PIK3R5: variants seen among roughly 807,000 people sequenced by gnomAD.
PIK3R5 encodes the protein phosphoinositide 3-kinase regulatory subunit 5.
PIK3R5 carries 32 observed loss-of-function variants against 94.9 expected under a neutral mutation model. The ratio of observed to expected loss-of-function variants is 0.34; its 90% CI spans 0.25 to 0.45. The LOEUF (loss-of-function observed/expected upper bound fraction) is 0.45, where lower values mean the gene tolerates loss of function less well. Among genes scored for constraint, PIK3R5 ranks in the 20% least tolerant of loss-of-function variants. PIK3R5 has a pLI of 1.00. For missense variants in PIK3R5, 853 were observed against 1,144.6 expected (o/e 0.75, Z 3.68); for synonymous variants, 443 against 479.4 (o/e 0.92, Z 0.99).
chr17:8,914,304 C>T (rs181536), intron 1 of PIK3R5, among the ~76,000 whole-genome samples: 5,629 of 152,302 alleles, frequency 0.037, 127 homozygotes, highest in Middle Eastern at 0.065. Context: ...AGAGAGTTGA[C>T]ACTGGTATAA....
At chr17:8,962,397 T>A (rs945919242) in intron 1 of PIK3R5, among the ~76,000 whole-genome samples, 2 of 152,220 alleles carry the variant, frequency 1.3e-5, no homozygotes, top group African/African-American at 4.8e-5. Context: ...TTCAATCATA[T>A]CCAACATGCT....
chr17:8,948,770 A>G (rs978509410), intron 1 of PIK3R5, among the ~76,000 whole-genome samples: 4 of 152,204 alleles, frequency 2.6e-5, no homozygotes, highest in Admixed American at 6.5e-5. Context: ...CAGACCCTAA[A>G]GCTCAACTTC....
chr17:8,929,973 G>A (rs2090958597), intron 1 of PIK3R5, among the ~76,000 whole-genome samples: 1 of 152,128 alleles, frequency 6.6e-6, no homozygotes, highest in Admixed American at 6.6e-5. Context: ...TTTAAAAACA[G>A]TAAAAAACAA....
At position 8,920,844 on chromosome 17, in the gene PIK3R5, CT is replaced by C. The variant is rs66921095; in HGVS notation, c.-13-9338del. 4.2e-3 allele frequency among the ~76,000 whole-genome samples: 568 copies of C among 133,682 alleles called. 2 individuals are homozygous for C. Among genetic ancestry groups the C allele is most frequent in the African/African-American group, 0.01 (379 of 36,190 alleles). The allele number at this position is 133,682 out of a possible 152,430, so 87.7% of individuals were successfully genotyped here. A position where few individuals can be genotyped will look rare whatever the true frequency, so the allele number is the denominator to read the frequency against. ...GTATTTTTTTTTCTTTTTTCTTTTT[CT>C]TTTTTTTTTTTTTGAGATGGAGTTT... On this transcript the variant is annotated intron_variant, in intron 1 of 18. Transcript: ENST00000447110.
At chr17:8,964,716 G>C (rs2091633689) in intron 1 of PIK3R5, among the ~76,000 whole-genome samples, 1 of 152,170 alleles carries the variant, frequency 6.6e-6, no homozygotes, top group Non-Finnish European at 1.5e-5. Flanking sequence ...GTGGTCCTGA[G>C]GGCAGGAAGG....
chr17:8,886,047 C>G (rs1188134647), intron 14 of PIK3R5, among the ~76,000 whole-genome samples, 182 bp downstream of exon 14: 1 of 151,286 alleles, frequency 6.6e-6, no homozygotes, highest in Non-Finnish European at 1.5e-5. Flanking sequence ...GCCCCGCCTA[C>G]CGGGTCACCC....
chr17:8,886,062 A>C (rs1337822710), intron 14 of PIK3R5, among the ~76,000 whole-genome samples, 167 bp downstream of exon 14: 34 of 71,620 alleles, frequency 4.7e-4, no homozygotes, highest in Admixed American at 1.0e-3. Flanking sequence ...TCACCCAGCC[A>C]CCCCATGGCC....
intron 18 of PIK3R5, 51 bp from the exon 19 acceptor site, chr17:8,880,837 G>A (rs777414193): frequency 2.6e-5 from 42 of 1,613,134 alleles, no homozygotes; most frequent in Non-Finnish European, 3.4e-5. Flanking sequence ...CATCCTTCCA[G>A]CTCCTTCCAG....
chr17:8,928,567 C>A (rs753542153), intron 1 of PIK3R5, among the ~76,000 whole-genome samples: 5 of 152,068 alleles, frequency 3.3e-5, no homozygotes, highest in Non-Finnish European at 7.4e-5. Flanking sequence ...TACTTTTCAT[C>A]AAAAATTATG....
At position 8,892,717 on chromosome 17, in the gene PIK3R5, C is replaced by T. The variant is rs1327515373; in HGVS notation, c.482+869G>A. Among the ~76,000 whole-genome samples the T allele has an allele frequency of 6.6e-6, 1 of 152,144 alleles. No homozygotes were observed. Among genetic ancestry groups the T allele is most frequent in the African/African-American group, 2.4e-5 (1 of 41,400 alleles). The stretch of plus-strand genomic sequence containing the variant: ...TCATTTTGTTTGTGTTTGTTTTCAC[C>T]TAGAGGGAAGTCAAGAAGTGTTGCT... On this transcript the variant is annotated intron_variant, in intron 6 of 18. Transcript: ENST00000447110. This position sits in a 1 kb window ranked among gnomAD's most constrained non-coding sequence, Gnocchi z 4.3.
chr17:8,919,638 C>T (rs185303198), intron 1 of PIK3R5, among the ~76,000 whole-genome samples: 62 of 152,324 alleles, frequency 4.1e-4, no homozygotes, highest in African/African-American at 1.4e-3. Flanking sequence ...ACCAGATCTC[C>T]GTGCCCAGTT....
rs1022721247 is a variant in PIK3R5 at position 8,955,473 on chromosome 17, G to A, written c.-14+10123C>T. ...GGAGAAAGGAGTGGGACTCAACTTC[G>A]AAACCTGAACAGAAGACTAAGGACT... is the stretch of plus-strand genomic sequence containing the variant. On this transcript the variant is annotated intron_variant, in intron 1 of 18. Transcript: ENST00000447110. The surrounding 1 kb of genome is among the most constrained non-coding windows in gnomAD (Gnocchi z 4.4). Among the ~76,000 whole-genome samples the A allele has an allele frequency of 3.3e-5, 5 of 152,196 alleles. No individual in the cohort carries two copies. The highest frequency in any genetic ancestry group is 9.7e-5 in the African/African-American group (4 of 41,442).
intron 1 of PIK3R5, among the ~76,000 whole-genome samples, chr17:8,952,061 C>T (rs1288194230): frequency 6.6e-6 from 1 of 152,152 alleles, no homozygotes; most frequent in Non-Finnish European, 1.5e-5. Flanking sequence ...CTAGAGCAGC[C>T]ATTATGGACC....
chr17:8,886,202 G>T, intron 14 of PIK3R5, 27 bp downstream of exon 14: 1 of 1,568,930 alleles, frequency 6.4e-7, no homozygotes, highest in Non-Finnish European at 8.8e-7. Context: ...CCGCCTCACC[G>T]TCTGTCTCTG....
rs138148963 is a variant in PIK3R5, at chr17:8,929,321, T to G, written c.-13-17814A>C. 2.5e-3 allele frequency among the ~76,000 whole-genome samples: 380 copies of G among 152,244 alleles called. 2 individuals are homozygous for G. The highest frequency in any genetic ancestry group is 8.7e-3 in the African/African-American group (362 of 41,560). ...TGCTGTCTACAAGAAACTCACTTTA[T>G]ATATAAATATATAGACAAATTAAAA... On this transcript the variant is annotated intron_variant, in intron 1 of 18. Transcript: ENST00000447110.
At chr17:8,954,060 AAAAAAAAG>A (rs199628485) in intron 1 of PIK3R5, among the ~76,000 whole-genome samples, 1,844 of 151,826 alleles carry the variant, frequency 0.012, 44 homozygotes, top group African/African-American at 0.042. Flanking sequence ...TTCCTCTGCA[AAAAAAAAG>A]AAAAAAAGAA....
Position 8,882,040 on chromosome 17 carries a change from C to T in PIK3R5, c.2206-159G>A. 3.2e-6 allele frequency: 2 copies of T among 629,490 alleles called. No individual in the cohort carries two copies. The highest frequency in any genetic ancestry group is 1.8e-5 in the South Asian group (1 of 54,950). The allele number at this position is 629,490 out of a possible 1,614,324, so 39.0% of individuals were successfully genotyped here. A position where few individuals can be genotyped will look rare whatever the true frequency, so the allele number is the denominator to read the frequency against. On this transcript the variant is annotated intron_variant, in intron 15 of 18. Transcript: ENST00000447110. The surrounding 1 kb of genome is among the most constrained non-coding windows in gnomAD (Gnocchi z 4.1). ...GGGCCCCTGTACCACCCTGGATAGA[C>T]CTGGATGACTCCAGGGAAGAGCTCA...
In PIK3R5 at chr17:8,889,266, C is replaced by A; in HGVS notation, c.812-44G>T. 6.7e-7 allele frequency: 1 copy of A among 1,498,216 alleles called. No individual in the cohort carries two copies. The highest frequency in any genetic ancestry group is 9.2e-7 in the Non-Finnish European group (1 of 1,083,880). The allele number at this position is 1,498,216 out of a possible 1,614,324, so 92.8% of individuals were successfully genotyped here. ...TAGGAGAAGAGGGCTGGGAAGAGGC[C>A]TTGGAGATTGGCCAGTCCAGTCCCC... On this transcript the variant is annotated intron_variant, in intron 8 of 18. Coordinates refer to ENST00000447110, the MANE Select transcript of PIK3R5 (RefSeq NM_001142633.3). This position sits in a 1 kb window ranked among gnomAD's most constrained non-coding sequence, Gnocchi z 4.1.
At chr17:8,931,121 A>G (rs1209115849) in intron 1 of PIK3R5, among the ~76,000 whole-genome samples, 2 of 152,258 alleles carry the variant, frequency 1.3e-5, no homozygotes, top group Non-Finnish European at 2.9e-5. Flanking sequence ...TAATTAAAAA[A>G]CAAAACTTAA....
Sources: allele counts gnomAD v4.1 joint callset (sites outside exome capture counted in the v4.1 genomes callset), GRCh38; gene constraint gnomAD v4.1.1; non-coding constraint Gnocchi (gnomAD v3.1); transcripts MANE v1.5; gene names NCBI Gene and HGNC (gene_info 2026-07-23, HGNC 2026-07-21).